The following ADAMTSL3 variants were observed in gnomAD, a reference collection of about 807,000 sequenced individuals.
The protein encoded by ADAMTSL3 is ADAMTS-like protein 3.
A neutral mutation model predicts 201.7 loss-of-function variants in ADAMTSL3; 128 were observed. That is an observed-to-expected ratio of 0.63 (90% CI 0.55 to 0.73). The LOEUF (loss-of-function observed/expected upper bound fraction) is 0.73, where lower values mean the gene tolerates loss of function less well. ADAMTSL3 is among the 30% of genes least tolerant of loss of function. The pLI, the probability that ADAMTSL3 is intolerant of heterozygous loss-of-function variation, is 0.00. For synonymous variants in ADAMTSL3, 738 were observed against 748.4 expected, an observed-to-expected ratio of 0.99 and a Z score of 0.23; for missense variants, 1,990 against 2,119.6, an observed-to-expected ratio of 0.94 and a Z score of 1.20.
chr15:83,923,062 A>G (rs765275387), intron 16 of ADAMTSL3, among the ~76,000 whole-genome samples: 2 of 152,186 alleles, frequency 1.3e-5, no homozygotes, highest in Non-Finnish European at 2.9e-5. Flanking sequence ...TCTGGCCCCA[A>G]AGGGAAAATA....
At chr15:83,912,138 G>A (rs542449228) in intron 15 of ADAMTSL3, among the ~76,000 whole-genome samples, 195 of 152,104 alleles carry the variant, frequency 1.3e-3, no homozygotes, top group African/African-American at 4.4e-3. Flanking sequence ...CTGTCCCTAC[G>A]GAATCTGGTT....
intron 2 of ADAMTSL3, among the ~76,000 whole-genome samples, chr15:83,665,772 C>T (rs1032239917): frequency 3.3e-5 from 5 of 152,138 alleles, no homozygotes; most frequent in African/African-American, 9.7e-5. Context: ...TGAACAGCTC[C>T]GGCCAACGTA....
At chr15:83,691,096 T>C (rs1036508651) in intron 2 of ADAMTSL3, among the ~76,000 whole-genome samples, 3 of 152,106 alleles carry the variant, frequency 2.0e-5, no homozygotes, top group Admixed American at 6.5e-5. Context: ...CACTGTGCAG[T>C]TTTTCTCTCC....
intron 3 of ADAMTSL3, among the ~76,000 whole-genome samples, chr15:83,726,450 C>T (rs935154469): frequency 1.8e-4 from 27 of 152,074 alleles, no homozygotes; most frequent in African/African-American, 6.5e-4. Context: ...AGTGGTGAAA[C>T]TGAGCATCCT....
intron 4 of ADAMTSL3, among the ~76,000 whole-genome samples, chr15:83,792,660 G>C (rs900983237): frequency 4.4e-4 from 67 of 152,098 alleles, no homozygotes; most frequent in African/African-American, 1.4e-3. Flanking sequence ...GCACATGCCT[G>C]TAATCCCAGC....
intron 2 of ADAMTSL3, among the ~76,000 whole-genome samples, chr15:83,670,893 A>G (rs966565875): frequency 6.6e-6 from 1 of 152,218 alleles, no homozygotes. Flanking sequence ...AATTTCCAGC[A>G]TGCTTAGTAA....
intron 4 of ADAMTSL3, among the ~76,000 whole-genome samples, chr15:83,796,063 A>G (rs1407428489): frequency 6.6e-6 from 1 of 152,244 alleles, no homozygotes; most frequent in Non-Finnish European, 1.5e-5. Context: ...CAAACTAGGA[A>G]TAAAGGTATA....
chr15:83,933,083 A>G (rs1215687192), intron 17 of ADAMTSL3, among the ~76,000 whole-genome samples: 4 of 152,254 alleles, frequency 2.6e-5, no homozygotes, highest in African/African-American at 7.2e-5. Context: ...GGCAGTTTAT[A>G]TGGTTCCACT....
chr15:83,747,124 A>G (rs1250546595), intron 3 of ADAMTSL3, among the ~76,000 whole-genome samples: 3 of 152,096 alleles, frequency 2.0e-5, no homozygotes, highest in Non-Finnish European at 2.9e-5. Context: ...CCCAGATGAT[A>G]TGGTGTTAGG....
At chr15:83,853,494 T>C (rs2064662647) in intron 7 of ADAMTSL3, among the ~76,000 whole-genome samples, 1 of 152,178 alleles carries the variant, frequency 6.6e-6, no homozygotes, top group African/African-American at 2.4e-5. Context: ...ATTTACTTTA[T>C]TTTATATACA....
intron 4 of ADAMTSL3, 24 bp from the exon 5 acceptor site, chr15:83,804,626 T>C (rs748348447): frequency 4.1e-6 from 6 of 1,471,204 alleles, no homozygotes; most frequent in Non-Finnish European, 4.6e-6. Flanking sequence ...TTATTTCTTC[T>C]TTCTTCTTTC....
At chr15:83,938,133 C>G (rs1040514725) in intron 17 of ADAMTSL3, among the ~76,000 whole-genome samples, 2 of 147,924 alleles carry the variant, frequency 1.4e-5, no homozygotes, top group Non-Finnish European at 2.9e-5. Context: ...TATTGTCCAA[C>G]AAAACCTTGT....
At chr15:83,913,020 C>A in intron 15 of ADAMTSL3, 72 bp from the exon 16 acceptor site, 1 of 1,498,588 alleles carries the variant, frequency 6.7e-7, no homozygotes. Flanking sequence ...TTGAATGTGT[C>A]ACTCCTCCTT....
At chr15:84,037,503 C>A (rs2068533123) in intron 29 of ADAMTSL3, among the ~76,000 whole-genome samples, 197 bp from the exon 30 acceptor site, 1 of 152,172 alleles carries the variant, frequency 6.6e-6, no homozygotes, top group Non-Finnish European at 1.5e-5. Context: ...GTCCAGAGAG[C>A]AGCAAGAGGT....
intron 20 of ADAMTSL3, among the ~76,000 whole-genome samples, chr15:83,975,549 C>G (rs2067272997): frequency 6.6e-6 from 1 of 152,216 alleles, no homozygotes; most frequent in African/African-American, 2.4e-5. Context: ...TTTTCTTTTA[C>G]TCATTCATTG....
At chr15:83,983,653 G>T (rs1012263107) in intron 21 of ADAMTSL3, among the ~76,000 whole-genome samples, 4 of 152,034 alleles carry the variant, frequency 2.6e-5, no homozygotes, top group Admixed American at 2.6e-4. Flanking sequence ...TCAATATAAG[G>T]CCATTTTAAA....
intron 23 of ADAMTSL3, among the ~76,000 whole-genome samples, chr15:84,008,758 C>T (rs1596530766): frequency 1.3e-5 from 2 of 152,164 alleles, no homozygotes; most frequent in South Asian, 2.1e-4. Context: ...AGCATCTCTC[C>T]GTGGATATGT....
intron 5 of ADAMTSL3, among the ~76,000 whole-genome samples, chr15:83,812,357 G>A (rs1226759129): frequency 6.6e-6 from 1 of 152,126 alleles, no homozygotes; most frequent in South Asian, 2.1e-4. Flanking sequence ...GGTTAGTGGA[G>A]TTCATTTTAC....
chr15:83,832,781 G>A lies in ADAMTSL3; in HGVS notation c.601-5308G>A, dbSNP rs191854570. 1.2e-4 allele frequency among the ~76,000 whole-genome samples: 18 copies of A among 152,258 alleles called. No individual in the cohort carries two copies. In the East Asian group the frequency reaches 3.5e-3, roughly 29 times the overall value. ...ATAGTTTTCTCATTTAAATGAACAT[G>A]TCACAGTGCTCTTGGGAACAACTTT... On this transcript the variant is annotated intron_variant, in intron 6 of 29. Coordinates refer to ENST00000286744, the MANE Select transcript of ADAMTSL3 (RefSeq NM_207517.3).
Sources: allele counts gnomAD v4.1 joint callset (sites outside exome capture counted in the v4.1 genomes callset), GRCh38; gene constraint gnomAD v4.1.1; transcripts MANE v1.5; gene names NCBI Gene and HGNC (gene_info 2026-07-23, HGNC 2026-07-21).